Variants in DLGAP1 observed in about 807,000 individuals in gnomAD.
The protein encoded by DLGAP1 is disks large-associated protein 1.
DLGAP1 carries 11 observed loss-of-function variants against 90.8 expected under a neutral mutation model. The ratio of observed to expected loss-of-function variants is 0.12; its 90% CI spans 0.08 to 0.20. The LOEUF (loss-of-function observed/expected upper bound fraction) is 0.20. Among genes scored for constraint, DLGAP1 ranks in the 10% least tolerant of loss-of-function variants. The pLI is 1.00. For synonymous variants in DLGAP1, 558 were observed against 540.7 expected, an observed-to-expected ratio of 1.03 and a Z score of -0.44; for missense variants, 1,050 against 1,333.8, an observed-to-expected ratio of 0.79 and a Z score of 3.31.
intron 2 of DLGAP1, among the ~76,000 whole-genome samples, chr18:4,069,276 T>C (rs1418633209): frequency 6.6e-6 from 1 of 152,180 alleles, no homozygotes; most frequent in Non-Finnish European, 1.5e-5. Context: ...ATTAAGTGAA[T>C]GAGAGTAAGG....
intron 4 of DLGAP1, among the ~76,000 whole-genome samples, chr18:3,877,107 T>C (rs2071023822): frequency 6.6e-6 from 1 of 152,126 alleles, no homozygotes; most frequent in Non-Finnish European, 1.5e-5. Context: ...CTTATAAAAA[T>C]AGAATATTAT....
intron 3 of DLGAP1, among the ~76,000 whole-genome samples, chr18:3,963,261 T>C (rs1249228394): frequency 1.1e-5 from 1 of 87,536 alleles, no homozygotes; most frequent in Non-Finnish European, 2.3e-5. Context: ...CTCCAAAGGC[T>C]CCATTTCATT....
chr18:3,561,190 C>T (rs978335807), intron 9 of DLGAP1, among the ~76,000 whole-genome samples: 52 of 145,702 alleles, frequency 3.6e-4, no homozygotes, highest in Admixed American at 3.2e-3. Flanking sequence ...CTGAGGTGGG[C>T]GGATCACCAG....
At chr18:4,235,719 C>CTTTTTTTTTTTTTTTT (rs1175101805) in intron 1 of DLGAP1, among the ~76,000 whole-genome samples, 1 of 80,270 alleles carries the variant, frequency 1.2e-5, no homozygotes. Context: ...ATTTCAATGT[C>CTTTTTTTTTTTTTTTT]TTTTTTTTTT....
At chr18:4,334,544 T>C (rs2081028398) in intron 1 of DLGAP1, among the ~76,000 whole-genome samples, 1 of 151,840 alleles carries the variant, frequency 6.6e-6, no homozygotes, top group Non-Finnish European at 1.5e-5. Context: ...AAAGTATTTG[T>C]AAAAATGTCC....
chr18:3,742,970 C>A (rs1317569866), intron 5 of DLGAP1, among the ~76,000 whole-genome samples: 1 of 150,374 alleles, frequency 6.7e-6, no homozygotes, highest in African/African-American at 2.5e-5. Flanking sequence ...TCCTTCCTTC[C>A]TTCCTTCCTT....
chr18:3,691,789 A>G (rs1292371180), intron 7 of DLGAP1, among the ~76,000 whole-genome samples: 1 of 151,984 alleles, frequency 6.6e-6, no homozygotes, highest in Non-Finnish European at 1.5e-5. Context: ...GGTGGCGGGC[A>G]TGCATCTGTA....
chr18:4,176,503 A>G (rs2077109692), intron 1 of DLGAP1, among the ~76,000 whole-genome samples: 1 of 152,150 alleles, frequency 6.6e-6, no homozygotes, highest in African/African-American at 2.4e-5. Flanking sequence ...TTCTTAAGCT[A>G]CCCTATCTGC....
At chr18:3,903,969 G>A (rs2071841653) in intron 3 of DLGAP1, among the ~76,000 whole-genome samples, 2 of 152,186 alleles carry the variant, frequency 1.3e-5, no homozygotes, top group South Asian at 4.1e-4. Context: ...TCTTTTGCAT[G>A]ATCTCCTAGA....
chr18:3,895,944 T>C (rs1031493913), intron 3 of DLGAP1: 1 of 152,216 alleles, frequency 6.6e-6, no homozygotes. Context: ...AGGCTGCTAA[T>C]CCACTCTTGC....
intron 3 of DLGAP1, among the ~76,000 whole-genome samples, chr18:3,958,134 T>C (rs977567450): frequency 6.6e-6 from 1 of 152,004 alleles, no homozygotes; most frequent in Non-Finnish European, 1.5e-5. Flanking sequence ...CCTCAGGTGG[T>C]TCGAAGTGGG....
chr18:4,000,890 A>G (rs189479403), intron 3 of DLGAP1, among the ~76,000 whole-genome samples: 1 of 152,312 alleles, frequency 6.6e-6, no homozygotes, highest in Admixed American at 6.5e-5. Flanking sequence ...GTTTATATGT[A>G]GTGCATTCTG....
intron 1 of DLGAP1, among the ~76,000 whole-genome samples, chr18:4,265,759 C>T (rs1352977990): frequency 6.7e-6 from 1 of 150,310 alleles, no homozygotes; most frequent in African/African-American, 2.5e-5. Context: ...GCACTCATGT[C>T]TCACTGCAGC....
intron 7 of DLGAP1, among the ~76,000 whole-genome samples, chr18:3,708,123 A>G: frequency 6.6e-6 from 1 of 151,458 alleles, no homozygotes; most frequent in Non-Finnish European, 1.5e-5. Flanking sequence ...CTCCCACCTC[A>G]ACCTCCAGAA....
chr18:3,958,267 G>A (rs1018259482), intron 3 of DLGAP1, among the ~76,000 whole-genome samples: 11 of 151,906 alleles, frequency 7.2e-5, no homozygotes, highest in African/African-American at 2.2e-4. Context: ...ATGTATGCCT[G>A]TAATCCCAAA....
chr18:4,012,488 C>G (rs2074443824), intron 2 of DLGAP1, among the ~76,000 whole-genome samples: 1 of 152,168 alleles, frequency 6.6e-6, no homozygotes, highest in Non-Finnish European at 1.5e-5. Context: ...GCAGCCAGGC[C>G]TGGGCATGAG....
chr18:3,863,938 T>C (rs1481331961), intron 4 of DLGAP1, among the ~76,000 whole-genome samples: 1 of 152,224 alleles, frequency 6.6e-6, no homozygotes, highest in African/African-American at 2.4e-5. Context: ...GCAACTTGGG[T>C]ACCTTAGAAA....
intron 7 of DLGAP1, among the ~76,000 whole-genome samples, chr18:3,626,594 T>TTA (rs34579551): frequency 0.014 from 1,822 of 130,546 alleles, 71 homozygotes; most frequent in African/African-American, 0.042. Context: ...AAGAACCTGT[T>TTA]AAAAAAAAAA....
chr18:3,828,680 C>T (rs1484856488), intron 4 of DLGAP1, among the ~76,000 whole-genome samples: 2 of 83,072 alleles, frequency 2.4e-5, no homozygotes, highest in Non-Finnish European at 5.5e-5. Context: ...AAAGACAAAA[C>T]AAAACCTTTA....
Sources: allele counts gnomAD v4.1 joint callset (sites outside exome capture counted in the v4.1 genomes callset), GRCh38; gene constraint gnomAD v4.1.1; transcripts MANE v1.5; gene names NCBI Gene and HGNC (gene_info 2026-07-23, HGNC 2026-07-21).